The following TAF2 variants were observed in gnomAD, a reference collection of about 807,000 sequenced individuals.
TAF2 encodes transcription initiation factor TFIID subunit 2.
A neutral mutation model predicts 138.5 loss-of-function variants in TAF2; 61 were observed. The observed-to-expected ratio is 0.44, with a 90% CI of 0.36 to 0.54. The LOEUF is 0.54. Among genes scored for constraint, TAF2 ranks in the 20% least tolerant of loss-of-function variants. TAF2 has a pLI of 0.00. For synonymous variants in TAF2, 475 were observed against 469.9 expected, an observed-to-expected ratio of 1.01 and a Z score of -0.14; for missense variants, 1,090 against 1,427.9, an observed-to-expected ratio of 0.76 and a Z score of 3.81.
chr8:119,819,089 T>A (rs371762952), intron 3 of TAF2, among the ~76,000 whole-genome samples: 10 of 152,052 alleles, frequency 6.6e-5, no homozygotes, highest in African/African-American at 2.4e-4. Context: ...AAAAAATGAC[T>A]AAGAAAATCT....
At position 119,777,956 on chromosome 8, in the gene TAF2, TATTC is replaced by T. The variant is rs1487747254; in HGVS notation, c.2364+59_2364+62del. On this transcript the variant is annotated intron_variant, in intron 18 of 25. Transcript: ENST00000378164. Reference sequence around the variant, plus strand: ...AAAATACCATTGGGTAGTTCTGTAATATTCATTAAGAAAATTATCTAAGACAACT... The same window carrying T: ...AAAATACCATTGGGTAGTTCTGTAATATTAAGAAAATTATCTAAGACAACT... 11 of 871,314 alleles carry T rather than the reference TATTC, an allele frequency of 1.3e-5. 1 individual carries two copies. The highest frequency in any genetic ancestry group is 6.1e-5 in the South Asian group (4 of 65,192). 54.0% of individuals were successfully genotyped at this position (871,314 alleles called of 1,614,324 possible).
Position 119,832,813 on chromosome 8 carries a change from C to T in TAF2, c.-249G>A, listed in dbSNP as rs1226046706. On this transcript the variant is annotated 5_prime_UTR_variant, in exon 1 of 26. It removes an upstream start codon present in the reference 5' UTR. Transcript: ENST00000378164. ...CCTCTCCGCAAGGGCTCGAAGCTAC[C>T]ATCCGCCGACATCTTGTCTGTAACC... The T allele has an allele frequency of 1.1e-5, 5 of 457,982 alleles. No individual in the cohort carries two copies. Among genetic ancestry groups the T allele is most frequent in the Non-Finnish European group, 7.8e-6 (2 of 257,128 alleles). 28.4% of individuals were successfully genotyped at this position (457,982 alleles called of 1,614,324 possible).
chr8:119,815,525 T>A (rs1048804622), intron 3 of TAF2, among the ~76,000 whole-genome samples: 103 of 151,768 alleles, frequency 6.8e-4, no homozygotes, highest in African/African-American at 2.4e-3. Context: ...CCACCCACCT[T>A]GGCCTCCCAA....
chr8:119,760,808 T>C, intron 19 of TAF2, 70 bp from the exon 20 acceptor site: 1 of 1,595,418 alleles, frequency 6.3e-7, no homozygotes, highest in Non-Finnish European at 8.6e-7. Context: ...TCCTAGGCAT[T>C]AGAGAATCCT....
chr8:119,776,430 C>T (rs1405027654), intron 18 of TAF2, among the ~76,000 whole-genome samples: 2 of 150,252 alleles, frequency 1.3e-5, no homozygotes, highest in Non-Finnish European at 3.0e-5. Flanking sequence ...TGCCTGTACT[C>T]CCAGCACTTT....
At chr8:119,749,418 CAG>C (rs1291797611) in intron 22 of TAF2, among the ~76,000 whole-genome samples, 1 of 152,010 alleles carries the variant, frequency 6.6e-6, no homozygotes, top group African/African-American at 2.4e-5. Flanking sequence ...AAATGAATAA[CAG>C]TACTTTTGTT....
chr8:119,807,919 C>T (rs1824776838), intron 3 of TAF2, among the ~76,000 whole-genome samples: 1 of 151,806 alleles, frequency 6.6e-6, no homozygotes, highest in Non-Finnish European at 1.5e-5. Context: ...GAGACTTTTT[C>T]TCAAAAAAAT....
intron 18 of TAF2, among the ~76,000 whole-genome samples, chr8:119,769,762 GT>G (rs528695417): frequency 1.8e-3 from 253 of 138,704 alleles, no homozygotes; most frequent in Middle Eastern, 3.7e-3. Context: ...AGTCAGAACT[GT>G]TTTTTTTTTT....
Position 119,805,796 on chromosome 8 carries a change from G to A in TAF2, c.418+487C>T, listed in dbSNP as rs559512993. 4.6e-5 allele frequency among the ~76,000 whole-genome samples: 7 copies of A among 152,050 alleles called. No homozygotes were observed. In the South Asian group the frequency reaches 1.5e-3, roughly 32 times the overall value. ...CACAGCCCTGAAATGGTATCATCCTGTTAGCCAGTGATCCTTAATAAGAAA... is the reference window on the plus strand; with the variant it reads ...CACAGCCCTGAAATGGTATCATCCTATTAGCCAGTGATCCTTAATAAGAAA... On this transcript the variant is annotated intron_variant, in intron 4 of 25. Coordinates refer to ENST00000378164, the MANE Select transcript of TAF2 (RefSeq NM_003184.4).
intron 18 of TAF2, among the ~76,000 whole-genome samples, chr8:119,766,664 T>A (rs1211955617): frequency 6.6e-6 from 1 of 151,966 alleles, no homozygotes; most frequent in East Asian, 1.9e-4. Context: ...GTACAAAAAT[T>A]AGCTGAGTGT....
intron 3 of TAF2, 37 bp downstream of exon 3, chr8:119,819,303 TCAAAAC>T (rs1586536332): frequency 6.3e-7 from 1 of 1,595,638 alleles, no homozygotes. Flanking sequence ...AAACATTTTT[TCAAAAC>T]TGTTAAAAAT....
chr8:119,821,779 GTAA>G (rs1409987628), intron 2 of TAF2, among the ~76,000 whole-genome samples: 1 of 152,176 alleles, frequency 6.6e-6, no homozygotes, highest in African/African-American at 2.4e-5. Flanking sequence ...GCTCACGCCT[GTAA>G]TCCTAGCACT....
At chr8:119,828,769 G>A (rs1173441318) in intron 2 of TAF2, among the ~76,000 whole-genome samples, 1 of 152,152 alleles carries the variant, frequency 6.6e-6, no homozygotes, top group Non-Finnish European at 1.5e-5. Context: ...AATATTTTAG[G>A]TGGGAACAGG....
intron 10 of TAF2, among the ~76,000 whole-genome samples, chr8:119,792,802 C>T (rs764613176): frequency 5.9e-5 from 9 of 152,166 alleles, no homozygotes; most frequent in Non-Finnish European, 1.3e-4. Flanking sequence ...AGGACACATT[C>T]TTTCCCGCTG....
rs369807193 is a variant in TAF2, at chr8:119,758,057, T to C, written c.2768+16A>G. The C allele has an allele frequency of 3.8e-5, 61 of 1,605,940 alleles. No homozygotes were observed. The highest frequency in any genetic ancestry group is 5.0e-5 in the Admixed American group (3 of 59,982). ...GGACTTACAAAATATCATAGCATCA[T>C]AGCACATAAACTAACCTTACATAGG... On this transcript the variant is annotated intron_variant, in intron 21 of 25. Transcript: ENST00000378164.
At chr8:119,754,313 A>C (rs1376664493) in intron 22 of TAF2, among the ~76,000 whole-genome samples, 1 of 152,254 alleles carries the variant, frequency 6.6e-6, no homozygotes, top group Non-Finnish European at 1.5e-5. Context: ...CCAGTGAAGT[A>C]GCTACTAATG....
chr8:119,744,640 G>A (rs1189976352), intron 23 of TAF2: 9 of 510,060 alleles, frequency 1.8e-5, no homozygotes, highest in Non-Finnish European at 3.2e-5. Flanking sequence ...CCTATTTTGT[G>A]AGAAAAAGTA....
At chr8:119,763,799 A>G (rs1821232267) in intron 18 of TAF2, among the ~76,000 whole-genome samples, 1 of 152,100 alleles carries the variant, frequency 6.6e-6, no homozygotes, top group Non-Finnish European at 1.5e-5. Flanking sequence ...ATCTCAAGTG[A>G]GCCACGATTG....
At chr8:119,757,349 A>T (rs1335046407) in intron 21 of TAF2, among the ~76,000 whole-genome samples, 4 of 152,170 alleles carry the variant, frequency 2.6e-5, no homozygotes, top group Non-Finnish European at 4.4e-5. Context: ...GATATTTCAT[A>T]TCCATATTTT....
Sources: gnomAD v4.1 joint callset for allele counts (sites outside exome capture counted in the v4.1 genomes callset) on GRCh38, gnomAD v4.1.1 for gene constraint, MANE v1.5 for transcripts, NCBI Gene and HGNC (gene_info 2026-07-23, HGNC 2026-07-21) for gene names.